Variants in TBL1Y observed in about 807,000 individuals in gnomAD.
The protein encoded by TBL1Y is transducin beta like 1 Y-linked, also known as F-box-like/WD repeat-containing protein TBL1Y.
A neutral mutation model predicts 12.0 loss-of-function variants in TBL1Y; 15 were observed. The observed-to-expected ratio is 1.25, with a 90% CI of 0.83 to 1.92. TBL1Y has a LOEUF of 1.92. Ranked by LOEUF, TBL1Y falls within the 40% of genes most tolerant of loss-of-function variation. The pLI is 0.00. For missense variants in TBL1Y, 148 were observed against 116.7 expected (o/e 1.27, Z -1.24); for synonymous variants, 53 against 42.6 (o/e 1.24, Z -0.95).
At chrY:6,994,700 A>G in intron 3 of TBL1Y, among the ~76,000 whole-genome samples, 2 of 33,822 alleles carry the variant, frequency 5.9e-5, no homozygotes, top group Non-Finnish European at 1.5e-4. Flanking sequence ...TTTCATCACT[A>G]AAATATCAAG....
chrY:7,008,140 AGT>A (rs2012498640), intron 4 of TBL1Y, among the ~76,000 whole-genome samples: 1 of 33,777 alleles, frequency 3.0e-5, no homozygotes, highest in East Asian at 7.9e-4. Context: ...GTATGAGTAG[AGT>A]GTGGTTGAGA....
chrY:6,969,905 T>TA (rs759455918), intron 2 of TBL1Y, among the ~76,000 whole-genome samples: 1 of 32,522 alleles, frequency 3.1e-5, no homozygotes, highest in African/African-American at 1.2e-4. Flanking sequence ...ATACCCTAAT[T>TA]AAAAAAAATA....
intron 7 of TBL1Y, among the ~76,000 whole-genome samples, chrY:7,055,760 CA>C (rs1237514438): frequency 2.9e-3 from 98 of 33,676 alleles, no homozygotes; most frequent in Non-Finnish European, 8.1e-4. Flanking sequence ...GTGTCTTGAC[CA>C]GTCACCATTG....
At chrY:6,922,120 C>T (rs2011783022) in intron 2 of TBL1Y, among the ~76,000 whole-genome samples, 1 of 33,613 alleles carries the variant, frequency 3.0e-5, no homozygotes, top group African/African-American at 1.2e-4. Context: ...AAAGGCAGCA[C>T]GTGTGGAGTT....
At chrY:7,080,607 C>T (rs991584082) in intron 13 of TBL1Y, 125 bp from the exon 14 acceptor site, 3 of 284,397 alleles carry the variant, frequency 1.1e-5, no homozygotes, top group Non-Finnish European at 1.5e-5. Context: ...ACAGAGCAGG[C>T]CCTGTCTCTA....
At chrY:7,068,696 T>C in intron 8 of TBL1Y, among the ~76,000 whole-genome samples, 1 of 30,543 alleles carries the variant, frequency 3.3e-5, no homozygotes, top group Admixed American at 3.3e-4. Context: ...AATGAGACCT[T>C]GCACCCTGTT....
chrY:6,977,442 CCAAGTTATGA>C (rs2012251579), intron 2 of TBL1Y, among the ~76,000 whole-genome samples: 1 of 32,859 alleles, frequency 3.0e-5, no homozygotes, highest in African/African-American at 1.2e-4. Flanking sequence ...ATCATCCACC[CCAAGTTATGA>C]CAATCTTGAA....
At chrY:7,007,517 A>T (rs2012495339) in intron 4 of TBL1Y, among the ~76,000 whole-genome samples, 1 of 32,744 alleles carries the variant, frequency 3.1e-5, no homozygotes, top group Admixed American at 2.8e-4. Flanking sequence ...CAGTGGTGTA[A>T]TGTTGGCTCA....
intron 2 of TBL1Y, among the ~76,000 whole-genome samples, chrY:6,931,080 C>T (rs2124098964): frequency 6.0e-5 from 2 of 33,132 alleles, no homozygotes; most frequent in African/African-American, 1.2e-4. Flanking sequence ...TGAAGGTCCG[C>T]GACTTCATTC....
chrY:7,055,658 T>C (rs2012821564), intron 7 of TBL1Y, among the ~76,000 whole-genome samples: 1 of 32,854 alleles, frequency 3.0e-5, no homozygotes, highest in African/African-American at 1.2e-4. Flanking sequence ...TAAAAAAGAG[T>C]ACGTGTTTTT....
At chrY:6,922,420 A>G in intron 2 of TBL1Y, among the ~76,000 whole-genome samples, 1 of 34,193 alleles carries the variant, frequency 2.9e-5, no homozygotes, top group African/African-American at 1.1e-4. Context: ...TCCTTTAGCT[A>G]GACACAAAAG....
intron 17 of TBL1Y, among the ~76,000 whole-genome samples, chrY:7,087,761 G>A: frequency 9.1e-5 from 3 of 33,056 alleles, no homozygotes; most frequent in Non-Finnish European, 2.2e-4. Context: ...CTCATGGCAC[G>A]ATACCTTCCA....
rs200819109 is a variant in TBL1Y, at chrY:7,089,061, A to G, written c.1447-1028A>G. Among the ~76,000 whole-genome samples the G allele has an allele frequency of 2.0e-3, 65 of 33,130 alleles. No individual in the cohort carries two copies. The East Asian group carries it at 0.049, about 25-fold the overall frequency. 88.9% of individuals were successfully genotyped at this position (33,130 alleles called of 37,273 possible). A position where few individuals can be genotyped will look rare whatever the true frequency, so the allele number is the denominator to read the frequency against. ...GGTCTAGAACTCTTGAGCTCAAGCA[A>G]TCTTCCTGTCTCAGTCTCCCAAAGG... is the stretch of plus-strand genomic sequence containing the variant. On this transcript the variant is annotated intron_variant, in intron 17 of 18. Transcript: ENST00000383032.
intron 3 of TBL1Y, among the ~76,000 whole-genome samples, chrY:6,989,284 G>A: frequency 3.0e-5 from 1 of 33,307 alleles, no homozygotes; most frequent in African/African-American, 1.2e-4. Flanking sequence ...TGGCTTGATG[G>A]ATGAGGGTGG....
chrY:7,014,765 G>A, intron 4 of TBL1Y, among the ~76,000 whole-genome samples: 1 of 33,295 alleles, frequency 3.0e-5, no homozygotes, highest in Non-Finnish European at 7.4e-5. Flanking sequence ...GTGCTCCTGA[G>A]AAGTACTACA....
At chrY:6,964,036 T>G (rs1009002068) in intron 2 of TBL1Y, among the ~76,000 whole-genome samples, 13 of 34,419 alleles carry the variant, frequency 3.8e-4, no homozygotes, top group Non-Finnish European at 7.2e-4. Context: ...GGCAATTCTT[T>G]TTTAGATGAC....
chrY:7,074,256 A>G (rs2013049165), intron 12 of TBL1Y, among the ~76,000 whole-genome samples: 1 of 33,794 alleles, frequency 3.0e-5, no homozygotes, highest in Non-Finnish European at 7.3e-5. Flanking sequence ...AAGAGTTAGG[A>G]TGGAAGAAAA....
In TBL1Y at chrY:6,985,519, G is replaced by A. The variant is rs549973673; in HGVS notation, c.-235+7276G>A. 6.7e-3 allele frequency among the ~76,000 whole-genome samples: 220 copies of A among 32,832 alleles called. No individual in the cohort carries two copies. The South Asian group carries it at 0.16, about 23-fold the overall frequency. 88.1% of individuals were successfully genotyped at this position (32,832 alleles called of 37,273 possible). On this transcript the variant is annotated intron_variant, in intron 3 of 18. Coordinates refer to ENST00000383032, the MANE Select transcript of TBL1Y (RefSeq NM_033284.2). The stretch of plus-strand genomic sequence containing the variant: ...TATGTGGTGCAATGTCAGGAGTGTC[G>A]ATGCTGAGAAGCCTGCATTGTATGC...
chrY:7,003,108 A>G, intron 4 of TBL1Y, among the ~76,000 whole-genome samples: 1 of 33,858 alleles, frequency 3.0e-5, no homozygotes, highest in South Asian at 6.9e-4. Flanking sequence ...CTTCAATAAT[A>G]CTAAGACAGA....
Sources: allele counts gnomAD v4.1 joint callset (sites outside exome capture counted in the v4.1 genomes callset), GRCh38; gene constraint gnomAD v4.1.1; transcripts MANE v1.5; gene names NCBI Gene and HGNC (gene_info 2026-07-23, HGNC 2026-07-21).